Variants in PTK2B observed in about 807,000 individuals in gnomAD.
The protein encoded by PTK2B is protein-tyrosine kinase 2-beta.
Under a neutral mutation model 142.9 loss-of-function variants are expected in PTK2B, and 71 were observed. That is an observed-to-expected ratio of 0.50 (90% CI 0.41 to 0.61). The LOEUF (loss-of-function observed/expected upper bound fraction) is 0.61, where lower values mean the gene tolerates loss of function less well. PTK2B is among the 20% of genes least tolerant of loss of function. The pLI, the probability that PTK2B is intolerant of heterozygous loss-of-function variation, is 0.00. For missense variants in PTK2B, 1,105 were observed against 1,320.4 expected, an observed-to-expected ratio of 0.84 and a Z score of 2.53; for synonymous variants, 519 against 503.4, an observed-to-expected ratio of 1.03 and a Z score of -0.42.
intron 1 of PTK2B, among the ~76,000 whole-genome samples, chr8:27,329,306 C>G (rs118066757): frequency 0.022 from 3,304 of 152,236 alleles, 113 homozygotes; most frequent in South Asian, 0.12. Flanking sequence ...CTGAGTCTTC[C>G]CATTGCAGAT....
At chr8:27,385,658 T>A (rs1353216105) in intron 1 of PTK2B, among the ~76,000 whole-genome samples, 1 of 152,134 alleles carries the variant, frequency 6.6e-6, no homozygotes, top group Non-Finnish European at 1.5e-5. Context: ...TTTGAGAGGC[T>A]GAGGTGGGCT....
At chr8:27,338,522 G>A (rs1009433907) in intron 1 of PTK2B, among the ~76,000 whole-genome samples, 1 of 151,970 alleles carries the variant, frequency 6.6e-6, no homozygotes, top group Non-Finnish European at 1.5e-5. Flanking sequence ...AACACCACCT[G>A]TTCCCCAAAA....
intron 1 of PTK2B, among the ~76,000 whole-genome samples, chr8:27,341,402 G>T (rs1804392113): frequency 6.6e-6 from 1 of 152,194 alleles, no homozygotes; most frequent in African/African-American, 2.4e-5. Flanking sequence ...CAAGGAAAAA[G>T]TGCTTGTTTT....
At chr8:27,402,136 A>C (rs1808420860) in intron 2 of PTK2B, among the ~76,000 whole-genome samples, 1 of 152,190 alleles carries the variant, frequency 6.6e-6, no homozygotes, top group African/African-American at 2.4e-5. Flanking sequence ...TGCCCTTCCA[A>C]AGCCTGCACT....
intron 1 of PTK2B, among the ~76,000 whole-genome samples, chr8:27,356,447 C>T (rs1195740969): frequency 1.3e-5 from 2 of 152,208 alleles, no homozygotes; most frequent in African/African-American, 4.8e-5. Flanking sequence ...TAAGAATGAA[C>T]TGCAGCTGAA....
rs1298868107 is a variant in PTK2B, at chr8:27,458,707, G to A, written c.*198G>A. On this transcript the variant is annotated 3_prime_UTR_variant, in exon 31 of 31. Transcript: ENST00000346049. ...CTGCAGCTGGACAGAGGGGACTCTG[G>A]GCTATGGACACAGGGTGACGGTGAC... is the stretch of plus-strand genomic sequence containing the variant. 3.3e-6 allele frequency: 2 copies of A among 613,300 alleles called. No homozygotes were observed. Among genetic ancestry groups the A allele is most frequent in the East Asian group, 2.8e-5 (1 of 36,022 alleles). 38.0% of individuals were successfully genotyped at this position (613,300 alleles called of 1,614,324 possible).
upstream of PTK2B, among the ~76,000 whole-genome samples, chr8:27,323,663 T>C (rs139132388): frequency 6.6e-6 from 1 of 152,106 alleles, no homozygotes; most frequent in Non-Finnish European, 1.5e-5. Context: ...CAGGCAGAAA[T>C]GCATGACCTT....
chr8:27,437,729 A>T (rs755411534), intron 17 of PTK2B, 36 bp from the exon 18 acceptor site: 1 of 1,576,114 alleles, frequency 6.3e-7, no homozygotes, highest in Non-Finnish European at 8.6e-7. Context: ...ACTGGGACCA[A>T]CCAGGGGTCT....
intron 2 of PTK2B, among the ~76,000 whole-genome samples, chr8:27,406,416 A>G (rs985024961): frequency 6.6e-6 from 1 of 152,114 alleles, no homozygotes; most frequent in Admixed American, 6.5e-5. Flanking sequence ...TGTCACTGGT[A>G]CCTCCATTCA....
chr8:27,436,159 T>G (rs1412409226), intron 14 of PTK2B, 92 bp from the exon 15 acceptor site: 1 of 1,214,090 alleles, frequency 8.2e-7, no homozygotes, highest in Non-Finnish European at 1.2e-6. Context: ...ATAGATCTGG[T>G]GACGCCTGGC....
Position 27,363,617 on chromosome 8 carries a change from T to A in PTK2B, c.-37-33931T>A, listed in dbSNP as rs1805847174. On this transcript the variant is annotated intron_variant, in intron 1 of 30. Coordinates refer to ENST00000346049, the MANE Select transcript of PTK2B (RefSeq NM_173176.3). This position sits in a 1 kb window ranked among gnomAD's most constrained non-coding sequence, Gnocchi z 4.3. Reference sequence around the variant, plus strand: ...GAGCCTCTTGATTCTGATTTGGGTCTACCCCTGCCCTTCTTGCAAGTCCTC... The same window carrying A: ...GAGCCTCTTGATTCTGATTTGGGTCAACCCCTGCCCTTCTTGCAAGTCCTC... Among the ~76,000 whole-genome samples, 1 of 152,146 alleles carries A rather than the reference T, an allele frequency of 6.6e-6. No individual in the cohort carries two copies. The highest frequency in any genetic ancestry group is 1.5e-5 in the Non-Finnish European group (1 of 68,022).
intron 3 of PTK2B, among the ~76,000 whole-genome samples, chr8:27,314,082 G>A (rs532297197): frequency 6.6e-6 from 1 of 152,340 alleles, no homozygotes; most frequent in South Asian, 2.1e-4. Context: ...AGAAATGCAT[G>A]TTCGTAGAGG....
chr8:27,391,429 A>G (rs1807719506), intron 1 of PTK2B, among the ~76,000 whole-genome samples: 1 of 152,158 alleles, frequency 6.6e-6, no homozygotes, highest in Admixed American at 6.5e-5. Context: ...AAGACCATGC[A>G]TTTTATGTTT....
At chr8:27,327,655 A>G (rs534848721) in intron 1 of PTK2B, among the ~76,000 whole-genome samples, 21 of 152,326 alleles carry the variant, frequency 1.4e-4, no homozygotes, top group Admixed American at 1.3e-3. Context: ...TTATGAGCTC[A>G]TTTAAAAAAC....
At chr8:27,408,725 A>G (rs1274760264) in intron 2 of PTK2B, among the ~76,000 whole-genome samples, 2 of 152,240 alleles carry the variant, frequency 1.3e-5, no homozygotes, top group Non-Finnish European at 2.9e-5. Flanking sequence ...CCGTATACCA[A>G]TTAAAAGTAA....
At chr8:27,387,299 G>A (rs1268653153) in intron 1 of PTK2B, among the ~76,000 whole-genome samples, 1 of 152,172 alleles carries the variant, frequency 6.6e-6, no homozygotes, top group Non-Finnish European at 1.5e-5. Context: ...CAAAATGGGA[G>A]AGCAGCCTGC....
At chr8:27,310,686 G>A, upstream of PTK2B, 3 of 1,236,202 alleles carry the variant, frequency 2.4e-6, no homozygotes, top group Non-Finnish European at 2.2e-6. Context: ...TGCATGCTGG[G>A]AGCGAGACGC....
At chr8:27,332,159 T>G (rs2130851851) in intron 1 of PTK2B, among the ~76,000 whole-genome samples, 1 of 152,344 alleles carries the variant, frequency 6.6e-6, no homozygotes, top group East Asian at 1.9e-4. Flanking sequence ...AGGCAGTTTT[T>G]CAGCCCGGGC....
intron 1 of PTK2B, among the ~76,000 whole-genome samples, chr8:27,393,128 C>A: frequency 6.6e-6 from 1 of 152,188 alleles, no homozygotes; most frequent in East Asian, 1.9e-4. Flanking sequence ...ACTTAGCAGG[C>A]ATGAATCCTT....
Sources: gnomAD v4.1 joint callset for allele counts (sites outside exome capture counted in the v4.1 genomes callset) on GRCh38, gnomAD v4.1.1 for gene constraint, Gnocchi (gnomAD v3.1) non-coding constraint, MANE v1.5 for transcripts, NCBI Gene and HGNC (gene_info 2026-07-23, HGNC 2026-07-21) for gene names.